The following ZHX3 variants were observed in gnomAD, a reference collection of about 807,000 sequenced individuals.
ZHX3 encodes zinc fingers and homeoboxes 3.
A neutral mutation model predicts 64.5 loss-of-function variants in ZHX3; 20 were observed. The ratio of observed to expected loss-of-function variants is 0.31; its 90% CI spans 0.22 to 0.45. ZHX3 has a LOEUF of 0.45. ZHX3 is among the 20% of genes least tolerant of loss of function. ZHX3 has a pLI of 1.00. For missense variants in ZHX3, 1,041 were observed against 1,195.8 expected (o/e 0.87, Z 1.91); for synonymous variants, 423 against 461.6 (o/e 0.92, Z 1.07).
intron 1 of ZHX3, among the ~76,000 whole-genome samples, chr20:41,275,979 G>A (rs2043359640): frequency 6.6e-6 from 1 of 152,218 alleles, no homozygotes; most frequent in Non-Finnish European, 1.5e-5. Flanking sequence ...CAGAGGCAGT[G>A]TCCGAAGAAA....
At chr20:41,245,417 A>C (rs554897079) in intron 2 of ZHX3, among the ~76,000 whole-genome samples, 1 of 152,336 alleles carries the variant, frequency 6.6e-6, no homozygotes, top group Admixed American at 6.5e-5. Context: ...GAGGGGCTCT[A>C]ATCTGTGTCA....
In ZHX3 at chr20:41,202,059, A is replaced by C. The variant is rs746226134; in HGVS notation, c.2858T>G (p.Leu953Arg). 1.1e-5 allele frequency: 17 copies of C among 1,591,162 alleles called. No homozygotes were observed. Among genetic ancestry groups the C allele is most frequent in the Non-Finnish European group, 1.2e-5 (14 of 1,167,528 alleles). ...DTSSPQAGRQ[L>R]ETD is the part of the protein sequence containing the mutation. ...CATGGCCCCTGTGGACTCCTTACCG[A>C]GCTGACGTCCAGCCTGGGGACTCGA... The change falls in exon 3 of 4, where the codon CTC becomes CGC. Residue 953 changes from leucine (L) to arginine (R), a missense_variant and splice_region_variant. Physicochemically the swap from Leu to Arg is moderately radical, Grantham distance 102. Around this residue, in one of 4 missense-constraint regions of ZHX3, gnomAD observed 649 missense variants for 739.8 expected, o/e 0.88. Transcript: ENST00000683867. This position sits in a 1 kb window ranked among gnomAD's most constrained non-coding sequence, Gnocchi z 7.0.
intron 1 of ZHX3, among the ~76,000 whole-genome samples, chr20:41,313,723 A>G (rs2045210441): frequency 1.4e-5 from 2 of 147,556 alleles, no homozygotes; most frequent in African/African-American, 5.0e-5. Flanking sequence ...TCAGCCTCCC[A>G]AGTAGCTGGA....
rs777164408 is a variant in ZHX3 at position 41,203,392 on chromosome 20, G to C, written c.1525C>G (p.Leu509Val). 53 of 1,614,184 alleles carry C rather than the reference G, an allele frequency of 3.3e-5. No individual in the cohort carries two copies. The highest frequency in any genetic ancestry group is 4.5e-5 in the Non-Finnish European group (53 of 1,180,032). ...NKKSHEQLSA[L>V]KGSFCRNQFP... ...TGGTTCCGACAGAAGCTCCCTTTCAGAGCTGACAGCTGTTCATGAGATTTC... is the reference window on the plus strand; with the variant it reads ...TGGTTCCGACAGAAGCTCCCTTTCACAGCTGACAGCTGTTCATGAGATTTC... Residue 509 changes from leucine (L) to valine (V), a missense_variant, in exon 3 of 4, where the codon CTG (leucine) becomes GTG (valine). Around this residue, in one of 4 missense-constraint regions of ZHX3, gnomAD observed 649 missense variants for 739.8 expected, o/e 0.88. Coordinates refer to ENST00000683867, the MANE Select transcript of ZHX3 (RefSeq NM_001384317.1). This position sits in a 1 kb window ranked among gnomAD's most constrained non-coding sequence, Gnocchi z 7.1.
intron 2 of ZHX3, among the ~76,000 whole-genome samples, chr20:41,231,477 C>A (rs1411423686): frequency 6.6e-6 from 1 of 152,206 alleles, no homozygotes; most frequent in Non-Finnish European, 1.5e-5. Flanking sequence ...CATGCTCAGA[C>A]CCAATTCAAA....
At chr20:41,316,397 T>C (rs1331372371) in intron 1 of ZHX3, among the ~76,000 whole-genome samples, 1 of 152,250 alleles carries the variant, frequency 6.6e-6, no homozygotes, top group African/African-American at 2.4e-5. Flanking sequence ...TTCAGAATTA[T>C]CCGGCAAAAT....
At chr20:41,253,266 G>A (rs938180030) in intron 2 of ZHX3, among the ~76,000 whole-genome samples, 1 of 150,350 alleles carries the variant, frequency 6.7e-6, no homozygotes, top group South Asian at 2.1e-4. Flanking sequence ...AAAAAAGTAT[G>A]GACTTGGAGT....
intron 2 of ZHX3, among the ~76,000 whole-genome samples, chr20:41,207,846 G>T (rs1184256633): frequency 1.3e-5 from 2 of 152,124 alleles, no homozygotes; most frequent in African/African-American, 2.4e-5. Flanking sequence ...ACTAAGATCA[G>T]AGCAGAACTG....
At chr20:41,210,742 T>C (rs912056548) in intron 2 of ZHX3, among the ~76,000 whole-genome samples, 6 of 152,126 alleles carry the variant, frequency 3.9e-5, no homozygotes, top group African/African-American at 1.2e-4. Flanking sequence ...CTAATGTAAA[T>C]GACAAGTTAA....
Position 41,224,982 on chromosome 20 carries a change from G to GT in ZHX3, c.-150-19917dup, listed in dbSNP as rs1345179962. 1.3e-5 allele frequency among the ~76,000 whole-genome samples: 2 copies of GT among 152,228 alleles called. No homozygotes were observed. ...TTTGGCTAGGCTGTAAGCTCTGTAA[G>GT]TAAGGTCAGGGCCTATATCCACTGT... is the stretch of plus-strand genomic sequence containing the variant. On this transcript the variant is annotated intron_variant, in intron 2 of 3. Coordinates refer to ENST00000683867, the MANE Select transcript of ZHX3 (RefSeq NM_001384317.1). The surrounding 1 kb of genome is among the most constrained non-coding windows in gnomAD (Gnocchi z 5.2).
At chr20:41,245,885 G>C (rs1444290342) in intron 2 of ZHX3, among the ~76,000 whole-genome samples, 1 of 152,190 alleles carries the variant, frequency 6.6e-6, no homozygotes, top group Non-Finnish European at 1.5e-5. Context: ...TTGAGAAGCA[G>C]CAAGCAAGGA....
At chr20:41,231,410 A>G (rs2040597304) in intron 2 of ZHX3, among the ~76,000 whole-genome samples, 1 of 152,088 alleles carries the variant, frequency 6.6e-6, no homozygotes. Context: ...CTTCACACAT[A>G]CTAGAGTTCC....
intron 2 of ZHX3, among the ~76,000 whole-genome samples, chr20:41,263,761 T>C (rs569459703): frequency 6.6e-6 from 1 of 152,290 alleles, no homozygotes; most frequent in South Asian, 2.1e-4. Context: ...AAAAAACTTT[T>C]GAAGGATTCA....
chr20:41,289,651 G>GT (rs558223135), intron 1 of ZHX3, among the ~76,000 whole-genome samples: 27 of 151,408 alleles, frequency 1.8e-4, no homozygotes, highest in Non-Finnish European at 3.4e-4. Flanking sequence ...TTGAAAATTT[G>GT]TCCATTTCCT....
intron 3 of ZHX3, among the ~76,000 whole-genome samples, chr20:41,194,481 T>C (rs2037317167): frequency 6.6e-6 from 1 of 152,146 alleles, no homozygotes; most frequent in Non-Finnish European, 1.5e-5. Flanking sequence ...TGCTATTTTG[T>C]TGGGGATTTT....
At chr20:41,306,321 C>T (rs1424125532) in intron 1 of ZHX3, among the ~76,000 whole-genome samples, 1 of 152,178 alleles carries the variant, frequency 6.6e-6, no homozygotes, top group African/African-American at 2.4e-5. Context: ...CTCTTTTCTA[C>T]GTGGTCTCAT....
At chr20:41,274,483 G>T (rs1171792320) in intron 1 of ZHX3, among the ~76,000 whole-genome samples, 1 of 152,164 alleles carries the variant, frequency 6.6e-6, no homozygotes, top group Non-Finnish European at 1.5e-5. Flanking sequence ...GAGAGGAAGG[G>T]TTTTACAAGT....
At chr20:41,245,549 G>A (rs959825117) in intron 2 of ZHX3, among the ~76,000 whole-genome samples, 1 of 152,210 alleles carries the variant, frequency 6.6e-6, no homozygotes, top group African/African-American at 2.4e-5. Flanking sequence ...TGGAAGCCCA[G>A]CTGTGTGAAT....
chr20:41,240,058 G>A (rs1474874684), intron 2 of ZHX3, among the ~76,000 whole-genome samples: 3 of 151,840 alleles, frequency 2.0e-5, no homozygotes, highest in Non-Finnish European at 4.4e-5. Flanking sequence ...GGGCAGTGGC[G>A]CCATCTTGGC....
Sources: gnomAD v4.1 joint callset for allele counts (sites outside exome capture counted in the v4.1 genomes callset) on GRCh38, gnomAD v4.1.1 for gene constraint, gnomAD v4.1.1 regional missense constraint, Gnocchi (gnomAD v3.1) non-coding constraint, MANE v1.5 for transcripts, NCBI Gene and HGNC (gene_info 2026-07-23, HGNC 2026-07-21) for gene names.